Variants in MYO3B observed in about 807,000 individuals in gnomAD.
MYO3B encodes the protein myosin-IIIb.
In MYO3B, 156 loss-of-function variants were observed where a neutral mutation model predicts 174.6. The ratio of observed to expected loss-of-function variants is 0.89; its 90% CI spans 0.78 to 1.02. The LOEUF is 1.02. MYO3B is among the 50% of genes least tolerant of loss of function. The probability of loss-of-function intolerance (pLI) is 0.00; values close to 1 mark genes in which losing one functional copy is unlikely to be tolerated. For synonymous variants in MYO3B, 563 were observed against 569.1 expected, an observed-to-expected ratio of 0.99 and a Z score of 0.15; for missense variants, 1,632 against 1,639.4, an observed-to-expected ratio of 1.00 and a Z score of 0.08.
At chr2:170,594,936 T>C (rs1694052254) in intron 32 of MYO3B, among the ~76,000 whole-genome samples, 2 of 151,840 alleles carry the variant, frequency 1.3e-5, no homozygotes, top group South Asian at 2.1e-4. Context: ...AAATCCTCAT[T>C]GGCTGCTCTT....
chr2:170,220,010 G>A (rs1453038145), intron 6 of MYO3B, among the ~76,000 whole-genome samples: 1 of 152,216 alleles, frequency 6.6e-6, no homozygotes, highest in Non-Finnish European at 1.5e-5. Flanking sequence ...TGTAATCCCA[G>A]CACTTTGGGA....
intron 7 of MYO3B, among the ~76,000 whole-genome samples, chr2:170,328,354 A>G (rs1409496178): frequency 6.6e-6 from 1 of 152,164 alleles, no homozygotes; most frequent in East Asian, 1.9e-4. Context: ...GAACCACTCA[A>G]GGTCACTATT....
chr2:170,575,400 G>A (rs1258805012), intron 32 of MYO3B, among the ~76,000 whole-genome samples: 2 of 152,026 alleles, frequency 1.3e-5, no homozygotes, highest in Non-Finnish European at 2.9e-5. Flanking sequence ...GGGTCTTAAG[G>A]TCTCTGTTGC....
chr2:170,303,712 G>A (rs2093681188), intron 7 of MYO3B, among the ~76,000 whole-genome samples: 1 of 151,982 alleles, frequency 6.6e-6, no homozygotes, highest in Admixed American at 6.6e-5. Context: ...ATTACATGGA[G>A]CTACTGATTA....
intron 1 of MYO3B, among the ~76,000 whole-genome samples, chr2:170,197,780 C>G (rs921961752): frequency 6.6e-6 from 1 of 152,064 alleles, no homozygotes; most frequent in Non-Finnish European, 1.5e-5. Context: ...AATTTATTAA[C>G]TATTTACTGA....
At chr2:170,466,410 G>A in intron 24 of MYO3B, 96 bp from the exon 25 acceptor site, 8 of 1,110,620 alleles carry the variant, frequency 7.2e-6, no homozygotes, top group Non-Finnish European at 1.1e-5. Context: ...AGGTCTGTGA[G>A]CCTCGAACTG....
chr2:170,301,147 T>A (rs1288689398), intron 7 of MYO3B, among the ~76,000 whole-genome samples: 2 of 152,224 alleles, frequency 1.3e-5, no homozygotes, highest in East Asian at 3.8e-4. Flanking sequence ...CATTTACTTG[T>A]CAGTGTGTGG....
chr2:170,535,118 A>G (rs999236139), intron 30 of MYO3B, among the ~76,000 whole-genome samples: 12 of 152,108 alleles, frequency 7.9e-5, no homozygotes, highest in African/African-American at 2.2e-4. Flanking sequence ...TTCTGTTTCA[A>G]TTTGTGTCTG....
intron 7 of MYO3B, among the ~76,000 whole-genome samples, chr2:170,264,128 G>A (rs1290086290): frequency 6.6e-6 from 1 of 152,204 alleles, no homozygotes; most frequent in Non-Finnish European, 1.5e-5. Flanking sequence ...ATGTCTCTGC[G>A]AGCACAGGGC....
intron 30 of MYO3B, among the ~76,000 whole-genome samples, chr2:170,539,122 T>G (rs183635675): frequency 6.6e-6 from 1 of 152,224 alleles, no homozygotes; most frequent in African/African-American, 2.4e-5. Context: ...CAAGTTGTTA[T>G]TTCATCTACA....
intron 9 of MYO3B, among the ~76,000 whole-genome samples, chr2:170,380,921 G>A (rs990555973): frequency 2.0e-5 from 3 of 152,142 alleles, no homozygotes; most frequent in African/African-American, 7.2e-5. Context: ...TTTGAGATTA[G>A]CCTGGACAAC....
intron 32 of MYO3B, among the ~76,000 whole-genome samples, chr2:170,568,667 A>G (rs1203021798): frequency 6.6e-6 from 1 of 152,240 alleles, no homozygotes; most frequent in East Asian, 1.9e-4. Flanking sequence ...ACCTTTGCAT[A>G]TCAATGAGAA....
chr2:170,434,521 C>A (rs2094736659), intron 22 of MYO3B, among the ~76,000 whole-genome samples: 1 of 152,014 alleles, frequency 6.6e-6, no homozygotes, highest in African/African-American at 2.4e-5. Context: ...ACCACACAGG[C>A]TAAGCTAATT....
At chr2:170,573,382 T>C (rs906435250) in intron 32 of MYO3B, among the ~76,000 whole-genome samples, 3 of 152,022 alleles carry the variant, frequency 2.0e-5, no homozygotes, top group Non-Finnish European at 4.4e-5. Context: ...GTGTGATTAA[T>C]TAAAAATTAA....
intron 6 of MYO3B, among the ~76,000 whole-genome samples, chr2:170,223,387 ATT>A (rs2092921188): frequency 1.3e-5 from 2 of 152,186 alleles, no homozygotes; most frequent in Non-Finnish European, 2.9e-5. Flanking sequence ...TTTGCGTAGA[ATT>A]TTTACAAATA....
intron 32 of MYO3B, among the ~76,000 whole-genome samples, chr2:170,550,948 C>T (rs1690835624): frequency 6.6e-6 from 1 of 152,144 alleles, no homozygotes; most frequent in Admixed American, 6.5e-5. Flanking sequence ...ACCCAGGCTG[C>T]AGTGCGGTGG....
At chr2:170,616,965 T>G (rs1013104566) in intron 32 of MYO3B, among the ~76,000 whole-genome samples, 1 of 152,242 alleles carries the variant, frequency 6.6e-6, no homozygotes, top group Non-Finnish European at 1.5e-5. Flanking sequence ...CCAATCACAT[T>G]GCATTTGTAA....
chr2:170,370,769 G>T (rs1316894570), intron 9 of MYO3B, among the ~76,000 whole-genome samples: 1 of 151,820 alleles, frequency 6.6e-6, no homozygotes, highest in East Asian at 1.9e-4. Context: ...GTCAAATCCA[G>T]CATCTCCTCC....
intron 7 of MYO3B, among the ~76,000 whole-genome samples, chr2:170,293,001 G>A (rs1447685543): frequency 6.6e-6 from 1 of 152,026 alleles, no homozygotes; most frequent in African/African-American, 2.4e-5. Flanking sequence ...TGTGAGTTGG[G>A]GAAAGATTTT....
Sources: allele counts gnomAD v4.1 joint callset (sites outside exome capture counted in the v4.1 genomes callset), GRCh38; gene constraint gnomAD v4.1.1; transcripts MANE v1.5; gene names NCBI Gene and HGNC (gene_info 2026-07-23, HGNC 2026-07-21).